The following TSPAN12 variants were observed in gnomAD, a reference collection of about 807,000 sequenced individuals.
TSPAN12 encodes tetraspanin-12.
Under a neutral mutation model 39.2 loss-of-function variants are expected in TSPAN12, and 19 were observed. That is an observed-to-expected ratio of 0.49 (90% CI 0.34 to 0.71). TSPAN12 has a LOEUF of 0.71. Ranked by LOEUF, TSPAN12 falls within the 30% of genes least tolerant of loss-of-function variation. The pLI is 0.01. For synonymous variants in TSPAN12, 119 were observed against 124.8 expected, an observed-to-expected ratio of 0.95 and a Z score of 0.31; for missense variants, 314 against 359.9, an observed-to-expected ratio of 0.87 and a Z score of 1.03.
chr7:120,801,486 T>C (rs1419295223), intron 7 of TSPAN12, among the ~76,000 whole-genome samples: 2 of 152,150 alleles, frequency 1.3e-5, no homozygotes, highest in Non-Finnish European at 2.9e-5. Context: ...GGCACACAAG[T>C]GTGGAGGACA....
intron 1 of TSPAN12, chr7:120,857,452 G>C (rs1251244155): frequency 1.3e-5 from 2 of 151,206 alleles, no homozygotes; most frequent in Admixed American, 6.4e-5. Flanking sequence ...CTGGGAGAAC[G>C]TGAGAAATGA....
At chr7:120,832,703 G>A (rs1482938537) in intron 4 of TSPAN12, among the ~76,000 whole-genome samples, 1 of 151,922 alleles carries the variant, frequency 6.6e-6, no homozygotes, top group Non-Finnish European at 1.5e-5. Flanking sequence ...TAACTATCAT[G>A]GATGGGTACT....
chr7:120,802,803 A>G (rs1793799511), intron 7 of TSPAN12, among the ~76,000 whole-genome samples: 1 of 152,210 alleles, frequency 6.6e-6, no homozygotes, highest in Non-Finnish European at 1.5e-5. Context: ...GCTGTGTGCC[A>G]AACCTAACAA....
intron 7 of TSPAN12, 51 bp from the exon 8 acceptor site, chr7:120,788,948 C>T (rs1793465509): frequency 2.5e-6 from 4 of 1,581,102 alleles, no homozygotes; most frequent in Non-Finnish European, 3.5e-6. Context: ...TACAGAAGGC[C>T]AAAAATAGTT....
At chr7:120,814,443 G>A (rs1323472033) in intron 5 of TSPAN12, among the ~76,000 whole-genome samples, 1 of 152,136 alleles carries the variant, frequency 6.6e-6, no homozygotes, top group Non-Finnish European at 1.5e-5. Context: ...CATCCTGGGT[G>A]GCTCCTACTG....
At chr7:120,827,035 CT>C (rs1173937591) in intron 4 of TSPAN12, among the ~76,000 whole-genome samples, 1 of 152,164 alleles carries the variant, frequency 6.6e-6, no homozygotes, top group Non-Finnish European at 1.5e-5. Context: ...TAGTCAGCAT[CT>C]TTATGAAAAC....
intron 2 of TSPAN12, among the ~76,000 whole-genome samples, chr7:120,840,633 T>G: frequency 6.6e-6 from 1 of 152,194 alleles, no homozygotes. Flanking sequence ...CTCATACACA[T>G]ATATGTGCTA....
chr7:120,830,728 G>A (rs575616251), intron 4 of TSPAN12, among the ~76,000 whole-genome samples: 13 of 151,988 alleles, frequency 8.6e-5, no homozygotes, highest in South Asian at 4.1e-4. Context: ...CCAGGACACC[G>A]ATCTGAGCAA....
chr7:120,819,933 G>T (rs1274063870), intron 4 of TSPAN12, among the ~76,000 whole-genome samples: 3 of 152,076 alleles, frequency 2.0e-5, no homozygotes, highest in Admixed American at 6.6e-5. Context: ...AACAAAATTA[G>T]CCCAGAATTA....
intron 4 of TSPAN12, among the ~76,000 whole-genome samples, chr7:120,816,716 C>T (rs1794090647): frequency 6.6e-6 from 1 of 152,014 alleles, no homozygotes; most frequent in Non-Finnish European, 1.5e-5. Context: ...ATTAAGGTAG[C>T]ATCTTTCAAA....
chr7:120,848,221 A>G (rs1206028087), intron 2 of TSPAN12, among the ~76,000 whole-genome samples: 2 of 152,288 alleles, frequency 1.3e-5, no homozygotes, highest in African/African-American at 4.8e-5. Flanking sequence ...CCTTACCTAC[A>G]GATCTTTTCC....
intron 3 of TSPAN12, among the ~76,000 whole-genome samples, chr7:120,839,341 C>T (rs1794536448): frequency 1.3e-5 from 2 of 152,054 alleles, no homozygotes; most frequent in Non-Finnish European, 2.9e-5. Context: ...TTGATCCTCC[C>T]CCAAAATGTA....
At chr7:120,842,931 A>G (rs2116478890) in intron 2 of TSPAN12, among the ~76,000 whole-genome samples, 1 of 151,816 alleles carries the variant, frequency 6.6e-6, no homozygotes, top group East Asian at 1.9e-4. Flanking sequence ...CCATTTAAAA[A>G]CCCTTTCTGA....
chr7:120,830,026 A>T (rs1036046145), intron 4 of TSPAN12, among the ~76,000 whole-genome samples: 3 of 152,094 alleles, frequency 2.0e-5, no homozygotes, highest in Non-Finnish European at 2.9e-5. Flanking sequence ...ACTTTTGAAG[A>T]CATCTGCTGA....
At chr7:120,845,241 G>A (rs182585477) in intron 2 of TSPAN12, among the ~76,000 whole-genome samples, 7 of 152,298 alleles carry the variant, frequency 4.6e-5, no homozygotes, top group East Asian at 3.9e-4. Flanking sequence ...CTAGGCTTTC[G>A]GGCCTGTGAT....
At chr7:120,811,578 G>A (rs4445165) in intron 5 of TSPAN12, among the ~76,000 whole-genome samples, 91,260 of 150,058 alleles carry the variant, frequency 0.61, 29,447 homozygotes, top group Middle Eastern at 0.8. Flanking sequence ...GCTGAGGCAG[G>A]AGAATGGTGT....
intron 2 of TSPAN12, among the ~76,000 whole-genome samples, chr7:120,853,166 T>C (rs1794801936): frequency 6.6e-6 from 1 of 151,664 alleles, no homozygotes; most frequent in African/African-American, 2.4e-5. Context: ...CAATCTCTGC[T>C]AACTGCAACC....
chr7:120,812,592 C>CT lies in TSPAN12; in HGVS notation c.361-2023dup, dbSNP rs1014297682. Among the ~76,000 whole-genome samples, 152 of 151,498 alleles carry CT rather than the reference C, an allele frequency of 1.0e-3. 2 individuals carry two copies. Among genetic ancestry groups the CT allele is most frequent in the South Asian group, 1.3e-3 (6 of 4,784 alleles). ...AAATCTTCGTTTTTTTCTTTGTTAA[C>CT]TTTTTTTTTGATTACTTGGAAATAC... is the stretch of plus-strand genomic sequence containing the variant. On this transcript the variant is annotated intron_variant, in intron 5 of 7. Coordinates refer to ENST00000222747, the MANE Select transcript of TSPAN12 (RefSeq NM_012338.4).
intron 7 of TSPAN12, 63 bp downstream of exon 7, chr7:120,806,486 A>G (rs1428953959): frequency 3.2e-6 from 5 of 1,583,070 alleles, no homozygotes; most frequent in Non-Finnish European, 4.3e-6. Context: ...CATATTGTTG[A>G]TTCTTTAAAG....
Sources: gnomAD v4.1 joint callset for allele counts (sites outside exome capture counted in the v4.1 genomes callset) on GRCh38, gnomAD v4.1.1 for gene constraint, MANE v1.5 for transcripts, NCBI Gene and HGNC (gene_info 2026-07-23, HGNC 2026-07-21) for gene names.